The following SLC22A23 variants were observed in gnomAD, a reference collection of about 807,000 sequenced individuals.
The protein encoded by SLC22A23 is ion transporter protein.
SLC22A23 carries 26 observed loss-of-function variants against 61.0 expected under a neutral mutation model. That is an observed-to-expected ratio of 0.43 (90% confidence interval 0.31 to 0.59). The LOEUF (loss-of-function observed/expected upper bound fraction) is 0.59. SLC22A23 is among the 20% of genes least tolerant of loss of function. The pLI is 0.11. For missense variants in SLC22A23, 796 were observed against 934.7 expected (o/e 0.85, Z 1.94); for synonymous variants, 430 against 413.9 (o/e 1.04, Z -0.47).
At chr6:3,382,397 G>C (rs1460056951) in intron 3 of SLC22A23, among the ~76,000 whole-genome samples, 1 of 152,230 alleles carries the variant, frequency 6.6e-6, no homozygotes, top group Non-Finnish European at 1.5e-5. Flanking sequence ...TTACGCCCTA[G>C]TCTGAAAATT....
intron 1 of SLC22A23, among the ~76,000 whole-genome samples, chr6:3,422,781 T>A (rs1770231255): frequency 6.6e-6 from 1 of 152,172 alleles, no homozygotes; most frequent in South Asian, 2.1e-4. Context: ...TCCTCATCTT[T>A]CCTTTTTTCT....
Position 3,353,835 on chromosome 6 carries a change from C to T in SLC22A23, c.914-29833G>A, listed in dbSNP as rs368530220. 2.6e-5 allele frequency among the ~76,000 whole-genome samples: 4 copies of T among 152,318 alleles called. No homozygotes were observed. The East Asian group carries it at 7.7e-4, about 29-fold the overall frequency. ...TAGTAGAGGCAGACTCTCCCTTCTA[C>T]CACCAGTGTTTCCCAGGACCCCAGT... On this transcript the variant is annotated intron_variant, in intron 3 of 9. Coordinates refer to ENST00000406686, the MANE Select transcript of SLC22A23 (RefSeq NM_015482.2).
intron 3 of SLC22A23, among the ~76,000 whole-genome samples, chr6:3,370,153 A>G (rs1171774921): frequency 1.3e-5 from 2 of 152,166 alleles, no homozygotes; most frequent in African/African-American, 2.4e-5. Context: ...TTTTCCCTAA[A>G]TTTATTTTTT....
chr6:3,434,891 T>C (rs1459555039), intron 1 of SLC22A23, among the ~76,000 whole-genome samples: 1 of 152,172 alleles, frequency 6.6e-6, no homozygotes, highest in Non-Finnish European at 1.5e-5. Flanking sequence ...TTCCCACAGA[T>C]GCTATGTCAA....
At chr6:3,319,027 G>C (rs549249911) in intron 4 of SLC22A23, among the ~76,000 whole-genome samples, 1 of 152,342 alleles carries the variant, frequency 6.6e-6, no homozygotes, top group Admixed American at 6.5e-5. Flanking sequence ...TGTGTGCGCT[G>C]CCTCTGTCCT....
intron 9 of SLC22A23, among the ~76,000 whole-genome samples, chr6:3,276,185 C>A (rs923319152): frequency 6.6e-6 from 1 of 152,146 alleles, no homozygotes; most frequent in Admixed American, 6.5e-5. Flanking sequence ...GCCTTTTCTC[C>A]CTCTAATGTA....
chr6:3,353,360 C>T (rs1293133371), intron 3 of SLC22A23, among the ~76,000 whole-genome samples: 2 of 152,182 alleles, frequency 1.3e-5, no homozygotes, highest in African/African-American at 4.8e-5. Context: ...CCTGATTCTC[C>T]CAGCTGCCAA....
In SLC22A23 at chr6:3,328,468, T is replaced by C. The variant is rs575652439; in HGVS notation, c.914-4466A>G. 6.6e-6 allele frequency among the ~76,000 whole-genome samples: 1 copy of C among 151,342 alleles called. No homozygotes were observed. Among genetic ancestry groups the C allele is most frequent in the Admixed American group, 6.6e-5 (1 of 15,188 alleles). ...GGCCTGAGGGAGTGGGGTGTGGGGG[T>C]TTGATGTGTCACGTGGCGGGGCTGC... On this transcript the variant is annotated intron_variant, in intron 3 of 9. Transcript: ENST00000406686. This position sits in a 1 kb window ranked among gnomAD's most constrained non-coding sequence, Gnocchi z 5.0.
In SLC22A23 at chr6:3,388,120, G is replaced by C. The variant is rs552677564; in HGVS notation, c.913+22068C>G. On this transcript the variant is annotated intron_variant, in intron 3 of 9. Coordinates refer to ENST00000406686, the MANE Select transcript of SLC22A23 (RefSeq NM_015482.2). ...GCTCACTGGCCTAGATGTAGGGAGA[G>C]GGCAAGCCCGCCACAGAAACACAGA... Among the ~76,000 whole-genome samples the C allele has an allele frequency of 4.6e-5, 7 of 152,290 alleles. No homozygotes were observed. In the South Asian group the frequency reaches 8.3e-4, roughly 18 times the overall value.
intron 1 of SLC22A23, among the ~76,000 whole-genome samples, chr6:3,437,638 G>C (rs1771306721): frequency 6.6e-6 from 1 of 151,762 alleles, no homozygotes; most frequent in Non-Finnish European, 1.5e-5. Flanking sequence ...GCAGAGAGCT[G>C]AGATCGTGCC....
chr6:3,387,442 G>A lies in SLC22A23; in HGVS notation c.913+22746C>T, dbSNP rs1365402283. On this transcript the variant is annotated intron_variant, in intron 3 of 9. Transcript: ENST00000406686. This position sits in a 1 kb window ranked among gnomAD's most constrained non-coding sequence, Gnocchi z 5.0. ...TTAAGGTCACAAAAGACAAACCCAA[G>A]GAACTGTCACAGATCAGAGGCGACT... Among the ~76,000 whole-genome samples, 1 of 152,164 alleles carries A rather than the reference G, an allele frequency of 6.6e-6. No individual in the cohort carries two copies. Among genetic ancestry groups the A allele is most frequent in the East Asian group, 1.9e-4 (1 of 5,196 alleles).
intron 3 of SLC22A23, among the ~76,000 whole-genome samples, chr6:3,349,212 G>A (rs936283054): frequency 3.9e-5 from 6 of 152,184 alleles, no homozygotes; most frequent in African/African-American, 7.2e-5. Flanking sequence ...CAGAACCCTC[G>A]AGGAAGCCTG....
intron 4 of SLC22A23, among the ~76,000 whole-genome samples, chr6:3,321,176 C>A (rs763989551): frequency 1.3e-5 from 2 of 152,228 alleles, no homozygotes; most frequent in Non-Finnish European, 2.9e-5. Flanking sequence ...TGCGTTATTT[C>A]AGTCTTCAAA....
chr6:3,355,263 A>G (rs984292623), intron 3 of SLC22A23, among the ~76,000 whole-genome samples: 2 of 152,042 alleles, frequency 1.3e-5, no homozygotes, highest in African/African-American at 4.8e-5. Flanking sequence ...GGCCTTGATA[A>G]CCACCAGTTT....
intron 3 of SLC22A23, among the ~76,000 whole-genome samples, chr6:3,352,854 G>T (rs1384242685): frequency 6.6e-6 from 1 of 152,150 alleles, no homozygotes; most frequent in East Asian, 1.9e-4. Flanking sequence ...CCCTGGATAC[G>T]CATGGACAAG....
intron 3 of SLC22A23, among the ~76,000 whole-genome samples, chr6:3,396,114 C>T (rs1240312014): frequency 6.6e-6 from 1 of 152,222 alleles, no homozygotes; most frequent in East Asian, 1.9e-4. Flanking sequence ...TCTGTTTGCT[C>T]CATCTCTTAG....
intron 1 of SLC22A23, among the ~76,000 whole-genome samples, chr6:3,425,508 T>C (rs1033007738): frequency 2.0e-5 from 3 of 151,956 alleles, no homozygotes; most frequent in Non-Finnish European, 4.4e-5. Flanking sequence ...ATGGTCTCAA[T>C]CTCCTGACCT....
At chr6:3,331,352 G>A (rs1763569735) in intron 3 of SLC22A23, among the ~76,000 whole-genome samples, 1 of 152,200 alleles carries the variant, frequency 6.6e-6, no homozygotes, top group Non-Finnish European at 1.5e-5. Context: ...ACACACACCA[G>A]AAGCTCAGAT....
intron 2 of SLC22A23, among the ~76,000 whole-genome samples, chr6:3,412,890 A>G (rs1769366625): frequency 6.6e-6 from 1 of 152,168 alleles, no homozygotes; most frequent in African/African-American, 2.4e-5. Context: ...AGAAGCTAGA[A>G]AAAGCAGGGG....
Sources: allele counts gnomAD v4.1 joint callset (sites outside exome capture counted in the v4.1 genomes callset), GRCh38; gene constraint gnomAD v4.1.1; non-coding constraint Gnocchi (gnomAD v3.1); transcripts MANE v1.5; gene names NCBI Gene and HGNC (gene_info 2026-07-23, HGNC 2026-07-21).